The following EYA1 variants were observed in gnomAD, a reference collection of about 807,000 sequenced individuals.
EYA1 encodes the protein EYA transcriptional coactivator and phosphatase 1.
EYA1 carries 16 observed loss-of-function variants against 82.0 expected under a neutral mutation model. The observed-to-expected ratio is 0.20, with a 90% CI of 0.13 to 0.30. The LOEUF is 0.30. EYA1 is among the 10% of genes least tolerant of loss of function. The pLI, the probability that EYA1 is intolerant of heterozygous loss-of-function variation, is 1.00. For synonymous variants in EYA1, 261 were observed against 264.4 expected, an observed-to-expected ratio of 0.99 and a Z score of 0.12; for missense variants, 633 against 730.7, an observed-to-expected ratio of 0.87 and a Z score of 1.54.
At chr8:71,336,311 C>T (rs751413146) in intron 3 of EYA1, among the ~76,000 whole-genome samples, 3 of 152,210 alleles carry the variant, frequency 2.0e-5, no homozygotes, top group East Asian at 1.9e-4. Flanking sequence ...TGCTCTCCTA[C>T]GGTCTTAGGG....
At chr8:71,453,485 G>A (rs1272006664) in intron 2 of EYA1, among the ~76,000 whole-genome samples, 1 of 152,136 alleles carries the variant, frequency 6.6e-6, no homozygotes, top group Non-Finnish European at 1.5e-5. Context: ...CATCAAAGTT[G>A]AAATGAAGGA....
At chr8:71,218,011 C>G (rs1433496314) in intron 12 of EYA1, among the ~76,000 whole-genome samples, 2 of 152,156 alleles carry the variant, frequency 1.3e-5, no homozygotes, top group Non-Finnish European at 2.9e-5. Flanking sequence ...GACAAGGACT[C>G]TAGTCCAGAA....
chr8:71,439,778 G>A (rs1053933442), intron 2 of EYA1, among the ~76,000 whole-genome samples: 9 of 152,182 alleles, frequency 5.9e-5, no homozygotes, highest in Non-Finnish European at 1.2e-4. Context: ...AGTATGGTAA[G>A]TAGAGTTGTG....
intron 2 of EYA1, among the ~76,000 whole-genome samples, chr8:71,438,606 C>G (rs554671375): frequency 6.6e-6 from 1 of 152,086 alleles, no homozygotes; most frequent in Admixed American, 6.6e-5. Flanking sequence ...ATAGGTGATG[C>G]CTTCATGAAG....
chr8:71,441,968 A>G (rs138231833), intron 2 of EYA1, among the ~76,000 whole-genome samples: 1 of 152,328 alleles, frequency 6.6e-6, no homozygotes, highest in African/African-American at 2.4e-5. Flanking sequence ...ACAGCTATCT[A>G]CAAGCACAGA....
At chr8:71,269,208 C>T (rs1343375643) in intron 11 of EYA1, among the ~76,000 whole-genome samples, 2 of 152,118 alleles carry the variant, frequency 1.3e-5, no homozygotes, top group Non-Finnish European at 2.9e-5. Flanking sequence ...AAGTACTGTA[C>T]AACTCTAACA....
chr8:71,199,286 T>C lies in EYA1; in HGVS notation c.*54A>G, dbSNP rs1806621603. ...GCGCTGATGCGAGACTGGGGCCTGC[T>C]GGATCTGTCCCTGGTCACAGAGCAG... On this transcript the variant is annotated 3_prime_UTR_variant, in exon 18 of 18. Transcript: ENST00000340726. 2 of 1,341,436 alleles carry C rather than the reference T, an allele frequency of 1.5e-6. No homozygotes were observed. The highest frequency in any genetic ancestry group is 1.8e-5 in the Admixed American group (1 of 56,412). 83.1% of individuals were successfully genotyped at this position (1,341,436 alleles called of 1,614,324 possible).
At chr8:71,399,078 G>C (rs534069505) in intron 2 of EYA1, among the ~76,000 whole-genome samples, 1 of 152,224 alleles carries the variant, frequency 6.6e-6, no homozygotes, top group African/African-American at 2.4e-5. Context: ...CTCTGTGGGC[G>C]TGGGACCCTC....
Position 71,211,165 on chromosome 8 carries a change from T to A in EYA1, c.1689A>T (p.Gly563=). ...VIGDGVEEEQ[G]AKKHAMPFWR... is the part of the protein sequence containing the mutation. ...ATCTAGGAATGCTCACCTTTTTTGCTCCTTGTTCTTCTTCTACACCATCTC... is the reference window on the plus strand; with the variant it reads ...ATCTAGGAATGCTCACCTTTTTTGCACCTTGTTCTTCTTCTACACCATCTC... The change falls in exon 17 of 18, where the codon GGA becomes GGT. Residue 563 remains glycine, a synonymous_variant. Transcript: ENST00000340726. 6.2e-7 allele frequency: 1 copy of A among 1,608,490 alleles called. No homozygotes were observed. Among genetic ancestry groups the A allele is most frequent in the East Asian group, 2.2e-5 (1 of 44,830 alleles).
At chr8:71,461,710 C>G (rs1808374329) in intron 2 of EYA1, among the ~76,000 whole-genome samples, 1 of 152,098 alleles carries the variant, frequency 6.6e-6, no homozygotes, top group Non-Finnish European at 1.5e-5. Flanking sequence ...GGTACGCAGA[C>G]AAGTGGAGGG....
In EYA1 at chr8:71,249,774, A is replaced by G. The variant is rs1423177461; in HGVS notation, c.1051-5082T>C. The stretch of plus-strand genomic sequence containing the variant: ...TCTTAGATCTCAACTGGAGGCTCAT[A>G]TATCAATTACTTATTGGTCATTTCC... On this transcript the variant is annotated intron_variant, in intron 11 of 17. Transcript: ENST00000340726. Among the ~76,000 whole-genome samples the G allele has an allele frequency of 6.6e-5, 10 of 152,290 alleles. No individual in the cohort carries two copies. The East Asian group carries it at 1.3e-3, about 21-fold the overall frequency.
At chr8:71,336,461 GGC>G (rs1263476040) in intron 3 of EYA1, among the ~76,000 whole-genome samples, 1 of 152,154 alleles carries the variant, frequency 6.6e-6, no homozygotes, top group African/African-American at 2.4e-5. Flanking sequence ...CAAATCTAAG[GGC>G]TATGATTCAA....
intron 2 of EYA1, among the ~76,000 whole-genome samples, chr8:71,406,423 C>G (rs140256948): frequency 1.3e-5 from 2 of 152,164 alleles, no homozygotes; most frequent in Non-Finnish European, 2.9e-5. Context: ...GCGTGAGCGA[C>G]GCAGAAGACA....
intron 4 of EYA1, among the ~76,000 whole-genome samples, chr8:71,330,099 G>C (rs1269775358): frequency 2.6e-5 from 4 of 152,170 alleles, no homozygotes; most frequent in Admixed American, 6.5e-5. Flanking sequence ...CAGGCAACAA[G>C]GTCAGACAGT....
chr8:71,534,824 T>C (rs572045876), intron 2 of EYA1, among the ~76,000 whole-genome samples: 40 of 150,700 alleles, frequency 2.7e-4, no homozygotes, highest in African/African-American at 9.8e-4. Context: ...GTTGCACATA[T>C]ACTTATGTAA....
intron 2 of EYA1, among the ~76,000 whole-genome samples, chr8:71,490,440 A>G (rs2129223814): frequency 6.6e-6 from 1 of 152,368 alleles, no homozygotes; most frequent in African/African-American, 2.4e-5. Flanking sequence ...CGCAATAAAC[A>G]GAACTATAAA....
intron 12 of EYA1, among the ~76,000 whole-genome samples, chr8:71,224,503 C>T (rs544778697): frequency 2.0e-4 from 30 of 152,306 alleles, no homozygotes; most frequent in African/African-American, 5.1e-4. Context: ...GCTCTGACTT[C>T]CCTATTGAGC....
chr8:71,379,245 C>A (rs534766218), intron 2 of EYA1, among the ~76,000 whole-genome samples: 5 of 152,086 alleles, frequency 3.3e-5, no homozygotes, highest in Admixed American at 3.3e-4. Flanking sequence ...CATAGAGGAC[C>A]AGCCACACCT....
intron 2 of EYA1, among the ~76,000 whole-genome samples, chr8:71,374,575 A>T (rs1828260801): frequency 6.6e-6 from 1 of 152,218 alleles, no homozygotes; most frequent in South Asian, 2.1e-4. Flanking sequence ...ACAGTGTGAA[A>T]GTTCCTCAGA....
Sources: allele counts gnomAD v4.1 joint callset (sites outside exome capture counted in the v4.1 genomes callset), GRCh38; gene constraint gnomAD v4.1.1; transcripts MANE v1.5; gene names NCBI Gene and HGNC (gene_info 2026-07-23, HGNC 2026-07-21).